POPDC2: variants seen among roughly 807,000 people sequenced by gnomAD.
The protein encoded by POPDC2 is popeye domain-containing protein 2.
Under a neutral mutation model 30.5 loss-of-function variants are expected in POPDC2, and 24 were observed. The ratio of observed to expected loss-of-function variants is 0.79; its 90% CI spans 0.57 to 1.11. The LOEUF (loss-of-function observed/expected upper bound fraction) is 1.11, where lower values mean the gene tolerates loss of function less well. Ranked by LOEUF, POPDC2 falls within the 50% of genes least tolerant of loss-of-function variation. POPDC2 has a pLI of 0.00. For missense variants in POPDC2, 409 were observed against 447.0 expected (o/e 0.91, Z 0.77); for synonymous variants, 185 against 183.3 (o/e 1.01, Z -0.07).
intron 2 of POPDC2, among the ~76,000 whole-genome samples, chr3:119,653,069 T>C (rs2052833720): frequency 9.9e-6 from 1 of 101,188 alleles, no homozygotes; most frequent in Admixed American, 1.2e-4. Flanking sequence ...TGTGTGTGTG[T>C]GTATGTGTGT....
chr3:119,646,856 G>A (rs2052751273), intron 3 of POPDC2, among the ~76,000 whole-genome samples: 1 of 152,212 alleles, frequency 6.6e-6, no homozygotes, highest in Admixed American at 6.5e-5. Context: ...TAAGGAGCAT[G>A]CGTGGATGCA....
chr3:119,659,897 G>A (rs2052921285), intron 1 of POPDC2, 36 bp downstream of exon 1: 1 of 1,538,044 alleles, frequency 6.5e-7, no homozygotes, highest in African/African-American at 1.4e-5. Flanking sequence ...TGTGGGCTGG[G>A]GAAAGAAATT....
intron 3 of POPDC2, among the ~76,000 whole-genome samples, chr3:119,645,437 C>T (rs1299068564): frequency 6.6e-6 from 1 of 152,102 alleles, no homozygotes; most frequent in African/African-American, 2.4e-5. Context: ...TGGCGGGCGC[C>T]TATAGTCCCA....
chr3:119,643,315 G>T (rs2052711123), intron 3 of POPDC2: 1 of 1,203,222 alleles, frequency 8.3e-7, no homozygotes, highest in South Asian at 1.3e-5. Flanking sequence ...TAGCTATTCA[G>T]GGGCTAAAGA....
chr3:119,648,770 C>T, intron 2 of POPDC2, 102 bp from the exon 3 acceptor site: 4 of 1,039,752 alleles, frequency 3.8e-6, no homozygotes, highest in Non-Finnish European at 5.6e-6. Flanking sequence ...TGTACTTTTA[C>T]TGAAGAAGCT....
chr3:119,659,362 C>G (rs74421282), intron 1 of POPDC2, among the ~76,000 whole-genome samples: 1 of 152,156 alleles, frequency 6.6e-6, no homozygotes, highest in African/African-American at 2.4e-5. Flanking sequence ...GGGGTATTCA[C>G]TCTCCCTACC....
intron 1 of POPDC2, among the ~76,000 whole-genome samples, chr3:119,659,037 G>C (rs2107825297): frequency 6.6e-6 from 1 of 152,034 alleles, no homozygotes; most frequent in South Asian, 2.1e-4. Context: ...AGAGCCACTA[G>C]GGCAGTATAA....
intron 3 of POPDC2, among the ~76,000 whole-genome samples, chr3:119,644,723 T>C (rs2052726507): frequency 1.3e-5 from 2 of 152,216 alleles, no homozygotes; most frequent in African/African-American, 2.4e-5. Flanking sequence ...CTCATATAAG[T>C]GCTGTGCCGG....
rs996236842 is a variant in POPDC2 at position 119,642,855 on chromosome 3, T to C, written c.*44-294A>G. Among the ~76,000 whole-genome samples the C allele has an allele frequency of 2.6e-5, 4 of 152,176 alleles. No individual in the cohort carries two copies. The East Asian group carries it at 7.7e-4, about 29-fold the overall frequency. On this transcript the variant is annotated intron_variant, in intron 3 of 3. Transcript: ENST00000493094. ...TAGAACTCTACTTCTTACCTAACCC[T>C]ATCTAATTTAAAGAAAAAAACCAAA...
rs758708568 is a variant in POPDC2 at position 119,648,455 on chromosome 3, C to T, written c.814G>A (p.Gly272Ser). 2.9e-5 allele frequency: 47 copies of T among 1,614,098 alleles called. No individual in the cohort carries two copies. The highest frequency in any genetic ancestry group is 3.9e-5 in the Non-Finnish European group (46 of 1,180,010). Residue 272 changes from glycine to serine, a missense_variant, in exon 3 of 4, where the codon GGT becomes AGT. Physicochemically the swap from Gly to Ser is moderately conservative, Grantham distance 56 (BLOSUM62 0). Transcript: ENST00000493094. The stretch of plus-strand genomic sequence containing the variant: ...GGTCCAGCATCTGCAGCAGTGGGAC[C>T]CAGGACATGGTAGAGGCTGGGAAGG... Reference protein sequence around the residue: ...IRLPSLYHVLGPTAADAGPES... With the variant: ...IRLPSLYHVLSPTAADAGPES...
At chr3:119,646,833 G>T (rs947418157) in intron 3 of POPDC2, among the ~76,000 whole-genome samples, 4 of 152,190 alleles carry the variant, frequency 2.6e-5, no homozygotes, top group South Asian at 4.1e-4. Context: ...GACCAAGAGG[G>T]ATCCATAGGA....
intron 3 of POPDC2, 25 bp from the exon 4 acceptor site, chr3:119,642,586 T>C (rs751426517): frequency 6.8e-7 from 1 of 1,465,342 alleles, no homozygotes; most frequent in South Asian, 1.1e-5. Flanking sequence ...AGAGGGAGGA[T>C]TTTAGCACTA....
intron 2 of POPDC2, among the ~76,000 whole-genome samples, chr3:119,652,728 TAGGG>T (rs1389508471): frequency 6.6e-6 from 1 of 152,098 alleles, no homozygotes; most frequent in African/African-American, 2.4e-5. Flanking sequence ...CTGGACTAGT[TAGGG>T]AGGGTGTGTG....
Position 119,642,120 on chromosome 3 carries a change from A to G in POPDC2, c.*485T>C, listed in dbSNP as rs1362521071. ...CACGGCATGTGCTAGGTGCTTACCTAAATCAACTCATTGGATCCTCACAAC... is the reference window on the plus strand; with the variant it reads ...CACGGCATGTGCTAGGTGCTTACCTGAATCAACTCATTGGATCCTCACAAC... On this transcript the variant is annotated 3_prime_UTR_variant, in exon 4 of 4. Transcript: ENST00000493094. 1.2e-5 allele frequency: 2 copies of G among 173,552 alleles called. No homozygotes were observed. The highest frequency in any genetic ancestry group is 2.4e-5 in the African/African-American group (1 of 42,516). The allele number at this position is 173,552 out of a possible 1,614,324, so 10.8% of individuals were successfully genotyped here. A position where few individuals can be genotyped will look rare whatever the true frequency, so the allele number is the denominator to read the frequency against.
intron 2 of POPDC2, among the ~76,000 whole-genome samples, chr3:119,654,199 G>A (rs983186323): frequency 1.3e-4 from 20 of 152,178 alleles, no homozygotes; most frequent in African/African-American, 4.8e-4. Flanking sequence ...AATGCGACTA[G>A]AGAGCACTAA....
intron 3 of POPDC2, among the ~76,000 whole-genome samples, chr3:119,644,909 A>C (rs1054050760): frequency 2.0e-5 from 3 of 152,246 alleles, no homozygotes; most frequent in Admixed American, 6.5e-5. Context: ...CAAATCAAAC[A>C]TTCAAAACAC....
chr3:119,647,682 C>T (rs940765359), intron 3 of POPDC2, among the ~76,000 whole-genome samples: 4 of 152,200 alleles, frequency 2.6e-5, no homozygotes, highest in African/African-American at 9.7e-5. Context: ...AACAGAGATG[C>T]CTGCCCAGTC....
intron 3 of POPDC2, chr3:119,643,403 C>T (rs1489206601): frequency 1.3e-6 from 2 of 1,535,734 alleles, no homozygotes; most frequent in Non-Finnish European, 1.7e-6. Context: ...CTGCCACCTT[C>T]CCTGAAAAGC....
At chr3:119,652,909 G>A (rs1405326861) in intron 2 of POPDC2, among the ~76,000 whole-genome samples, 1 of 152,170 alleles carries the variant, frequency 6.6e-6, no homozygotes, top group East Asian at 1.9e-4. Flanking sequence ...CTGTTCCGGG[G>A]TTGGCTCATA....
Sources: allele counts gnomAD v4.1 joint callset (sites outside exome capture counted in the v4.1 genomes callset), GRCh38; gene constraint gnomAD v4.1.1; transcripts MANE v1.5; gene names NCBI Gene and HGNC (gene_info 2026-07-23, HGNC 2026-07-21).